SUMF1: variants seen among roughly 807,000 people sequenced by gnomAD.
SUMF1 encodes the protein sulfatase modifying factor 1, also known as formylglycine-generating enzyme.
In SUMF1, 48 loss-of-function variants were observed where a neutral mutation model predicts 47.6. The ratio of observed to expected loss-of-function variants is 1.01; its 90% CI spans 0.80 to 1.28. SUMF1 has a LOEUF of 1.28. Among genes scored for constraint, SUMF1 ranks in the 50% most tolerant of loss-of-function variants. SUMF1 has a pLI of 0.00. For missense variants in SUMF1, 571 were observed against 485.4 expected (o/e 1.18, Z -1.66); for synonymous variants, 230 against 192.1 (o/e 1.20, Z -1.63).
chr3:4,200,337 G>C (rs1216549266), intron 8 of SUMF1, among the ~76,000 whole-genome samples: 3 of 151,928 alleles, frequency 2.0e-5, no homozygotes, highest in Non-Finnish European at 2.9e-5. Flanking sequence ...TGAATTCAGT[G>C]GGCAAAATCT....
chr3:4,285,158 A>G (rs760143772), intron 8 of SUMF1, among the ~76,000 whole-genome samples: 16 of 152,208 alleles, frequency 1.1e-4, no homozygotes, highest in Non-Finnish European at 2.1e-4. Flanking sequence ...TATAATTATA[A>G]TAGGCATAAC....
intron 8 of SUMF1, among the ~76,000 whole-genome samples, chr3:4,096,822 A>G (rs1228618457): frequency 1.1e-4 from 17 of 152,088 alleles, no homozygotes; most frequent in South Asian, 2.1e-4. Context: ...GTGAGCTACT[A>G]TGTGAAGGGG....
intron 1 of SUMF1, among the ~76,000 whole-genome samples, chr3:4,462,791 CTATCTATACAGGGCTTATT>C (rs1435457366): frequency 6.6e-6 from 1 of 152,242 alleles, no homozygotes; most frequent in Non-Finnish European, 1.5e-5. Context: ...CCTGCCTTAT[CTATCTATACAGGGCTTATT>C]TATCTATACC....
Position 4,417,551 on chromosome 3 carries a change from T to G in SUMF1, c.726-309A>C, listed in dbSNP as rs982569168. 4.6e-4 allele frequency among the ~76,000 whole-genome samples: 70 copies of G among 152,328 alleles called. 2 individuals are homozygous for G. Among genetic ancestry groups the G allele is most frequent in the Admixed American group, 4.4e-3 (68 of 15,304 alleles). On this transcript the variant is annotated intron_variant, in intron 5 of 8. Coordinates refer to ENST00000272902, the MANE Select transcript of SUMF1 (RefSeq NM_182760.4). ...ACCTCATTTTGGACTTATATGGTAG[T>G]GTGATCAGGCACCACCACACCACAC... is the stretch of plus-strand genomic sequence containing the variant.
chr3:4,054,548 T>A (rs1217401154), intron 9 of SUMF1, among the ~76,000 whole-genome samples: 1 of 152,152 alleles, frequency 6.6e-6, no homozygotes, highest in Non-Finnish European at 1.5e-5. Context: ...TGTATGTTTA[T>A]GTGCCTGTTT....
At chr3:4,278,945 C>A (rs1697474161) in intron 8 of SUMF1, among the ~76,000 whole-genome samples, 1 of 152,014 alleles carries the variant, frequency 6.6e-6, no homozygotes, top group Non-Finnish European at 1.5e-5. Context: ...CTTTAAGAAC[C>A]ACTGCTCTGT....
At chr3:4,202,110 A>T (rs113668111) in intron 8 of SUMF1, among the ~76,000 whole-genome samples, 172 of 152,040 alleles carry the variant, frequency 1.1e-3, no homozygotes, top group African/African-American at 3.8e-3. Flanking sequence ...TAACTTTATG[A>T]GATCTCATTT....
chr3:4,280,523 T>A (rs1697506516), intron 8 of SUMF1, among the ~76,000 whole-genome samples: 1 of 151,598 alleles, frequency 6.6e-6, no homozygotes, highest in Non-Finnish European at 1.5e-5. Context: ...CAGGAACCCC[T>A]TATGTGAGAG....
chr3:4,180,553 G>C (rs1321107823), intron 8 of SUMF1, among the ~76,000 whole-genome samples: 4 of 151,994 alleles, frequency 2.6e-5, no homozygotes, highest in Non-Finnish European at 4.4e-5. Context: ...TGGGGTGGGG[G>C]GCTGGGGGAG....
intron 8 of SUMF1, among the ~76,000 whole-genome samples, chr3:4,139,440 G>A (rs1694019810): frequency 6.6e-6 from 1 of 151,852 alleles, no homozygotes; most frequent in South Asian, 2.1e-4. Flanking sequence ...TTATAATAAA[G>A]AGTCATGTAT....
At chr3:4,352,622 C>T (rs1319069138) in intron 8 of SUMF1, among the ~76,000 whole-genome samples, 1 of 151,466 alleles carries the variant, frequency 6.6e-6, no homozygotes, top group Non-Finnish European at 1.5e-5. Context: ...ACTTGCAAAG[C>T]CCTTTTTGGG....
intron 8 of SUMF1, among the ~76,000 whole-genome samples, chr3:4,352,992 C>T (rs1699536847): frequency 6.6e-6 from 1 of 152,172 alleles, no homozygotes; most frequent in Admixed American, 6.5e-5. Context: ...TGCTCTTCTC[C>T]TAGATGAACA....
intron 8 of SUMF1, among the ~76,000 whole-genome samples, chr3:4,077,774 G>A (rs1335348938): frequency 1.3e-5 from 2 of 151,980 alleles, no homozygotes; most frequent in South Asian, 2.1e-4. Flanking sequence ...CCTGCACGTT[G>A]TGCACATGCA....
intron 7 of SUMF1, among the ~76,000 whole-genome samples, chr3:4,382,924 G>C (rs115228610): frequency 2.0e-5 from 3 of 152,114 alleles, no homozygotes; most frequent in Admixed American, 6.5e-5. Context: ...CTGTCAGGGG[G>C]TCAGAGACTA....
chr3:4,427,387 T>G (rs1297375363), intron 3 of SUMF1, among the ~76,000 whole-genome samples: 2 of 151,886 alleles, frequency 1.3e-5, no homozygotes, highest in African/African-American at 4.8e-5. Context: ...GAAGTATAAA[T>G]AAAACCAGAG....
chr3:4,134,687 G>A (rs907306440), intron 8 of SUMF1, among the ~76,000 whole-genome samples: 5 of 152,034 alleles, frequency 3.3e-5, no homozygotes, highest in Non-Finnish European at 5.9e-5. Context: ...CCAGGAGCTG[G>A]TTTTTTGAAA....
chr3:4,253,746 G>A (rs1162207141), intron 8 of SUMF1, among the ~76,000 whole-genome samples: 2 of 145,502 alleles, frequency 1.4e-5, no homozygotes, highest in South Asian at 4.7e-4. Context: ...AGCTCGAATT[G>A]GGTGGAACCC....
At chr3:4,245,095 T>C (rs1358041639) in intron 8 of SUMF1, among the ~76,000 whole-genome samples, 1 of 152,124 alleles carries the variant, frequency 6.6e-6, no homozygotes, top group Non-Finnish European at 1.5e-5. Context: ...CATTAAGTCA[T>C]TCAAGCTCTT....
chr3:4,083,249 C>T (rs1273753627), intron 8 of SUMF1, among the ~76,000 whole-genome samples: 1 of 152,166 alleles, frequency 6.6e-6, no homozygotes, highest in Non-Finnish European at 1.5e-5. Context: ...CAATTGGAAC[C>T]TCACGGACAG....
Sources: gnomAD v4.1 joint callset for allele counts (sites outside exome capture counted in the v4.1 genomes callset) on GRCh38, gnomAD v4.1.1 for gene constraint, MANE v1.5 for transcripts, NCBI Gene and HGNC (gene_info 2026-07-23, HGNC 2026-07-21) for gene names.